Variants in INTS15 observed in about 807,000 individuals in gnomAD.
INTS15 encodes integrator complex subunit 15.
chr7:6,593,553 C>T, the INTS15 span, among the ~76,000 whole-genome samples: 1 of 151,574 alleles, frequency 6.6e-6, no homozygotes, highest in Admixed American at 6.6e-5. Flanking sequence ...CCAGGATGGT[C>T]TCGATCTCCT....
At chr7:6,607,190 C>G in the INTS15 span, among the ~76,000 whole-genome samples, 5 of 152,126 alleles carry the variant, frequency 3.3e-5, no homozygotes, top group Non-Finnish European at 5.9e-5. The surrounding 1 kb of genome is among the most constrained non-coding windows in gnomAD (Gnocchi z 6.0). Context: ...TTTCAGGAGT[C>G]TGGGAAGGGA....
At chr7:6,608,087 C>A in the INTS15 span, 1 of 1,570,326 alleles carries the variant, frequency 6.4e-7, no homozygotes, top group Non-Finnish European at 8.6e-7. Flanking sequence ...CCCCGCCGCC[C>A]ACCCCGCCCT....
chr7:6,596,161 C>T, the INTS15 span, among the ~76,000 whole-genome samples: 847 of 151,722 alleles, frequency 5.6e-3, 2 homozygotes, highest in Middle Eastern at 0.02. Flanking sequence ...AAACAATTCT[C>T]GTGCCTCAGC....
chr7:6,608,460 G>A, the INTS15 span: 1 of 1,272,478 alleles, frequency 7.9e-7, no homozygotes, highest in Middle Eastern at 3.1e-4. Context: ...CCTGTGTGGC[G>A]AGGAGTGTGA....
At chr7:6,607,955 C>T in the INTS15 span, 74 of 1,598,976 alleles carry the variant, frequency 4.6e-5, no homozygotes, top group Non-Finnish European at 5.7e-5. This position sits in a 1 kb window ranked among gnomAD's most constrained non-coding sequence, Gnocchi z 6.0. Flanking sequence ...TGCTTGTGTT[C>T]GCAGCCTCCT....
the INTS15 span, among the ~76,000 whole-genome samples, chr7:6,604,364 G>A: frequency 1.3e-5 from 2 of 152,208 alleles, no homozygotes; most frequent in Non-Finnish European, 2.9e-5. Context: ...TCAGGAGGAT[G>A]GAACATTATG....
the INTS15 span, among the ~76,000 whole-genome samples, chr7:6,591,154 G>C: frequency 2.4e-4 from 36 of 152,010 alleles, 1 homozygote; most frequent in African/African-American, 8.4e-4. Flanking sequence ...TTTTTTCTAA[G>C]ATCAACAGCA....
At chr7:6,605,169 A>C in the INTS15 span, among the ~76,000 whole-genome samples, 1 of 152,002 alleles carries the variant, frequency 6.6e-6, no homozygotes, top group Non-Finnish European at 1.5e-5. Context: ...TTGTATTTTT[A>C]GTAGAGACAG....
the INTS15 span, chr7:6,608,076 A>ACCCCCCCCGCCCCCCCC: frequency 8.7e-7 from 1 of 1,143,486 alleles, no homozygotes; most frequent in Non-Finnish European, 1.2e-6. Context: ...GTCCCGGCCC[A>ACCCCCCCCGCCCCCCCC]CCCCGCCGCC....
At chr7:6,603,043 A>C in the INTS15 span, among the ~76,000 whole-genome samples, 1 of 152,088 alleles carries the variant, frequency 6.6e-6, no homozygotes, top group Non-Finnish European at 1.5e-5. Flanking sequence ...TGAGGTCAGG[A>C]GTTCGAGACC....
the INTS15 span, among the ~76,000 whole-genome samples, chr7:6,604,443 A>G: frequency 0.036 from 5,508 of 152,258 alleles, 112 homozygotes; most frequent in Admixed American, 0.054. Context: ...ACCCCTGTGC[A>G]CATGGACAGG....
chr7:6,593,832 A>G, the INTS15 span, among the ~76,000 whole-genome samples: 1 of 150,118 alleles, frequency 6.7e-6, no homozygotes, highest in Non-Finnish European at 1.5e-5. Flanking sequence ...TCTATTTTTT[A>G]TAGAGATGGG....
At chr7:6,606,269 C>A in the INTS15 span, among the ~76,000 whole-genome samples, 1 of 152,186 alleles carries the variant, frequency 6.6e-6, no homozygotes, top group Non-Finnish European at 1.5e-5. Context: ...CTCCACATAC[C>A]CTCTGTTTAC....
At chr7:6,598,596 C>G in the INTS15 span, among the ~76,000 whole-genome samples, 1 of 152,070 alleles carries the variant, frequency 6.6e-6, no homozygotes, top group Non-Finnish European at 1.5e-5. Flanking sequence ...ATGGTGGGCA[C>G]AGCCCCAGAG....
chr7:6,597,915 A>G, the INTS15 span, among the ~76,000 whole-genome samples: 2 of 152,300 alleles, frequency 1.3e-5, no homozygotes, highest in East Asian at 1.9e-4. Context: ...AGATACCCAC[A>G]TAATTATATC....
At chr7:6,591,706 C>A in the INTS15 span, 8 of 1,614,054 alleles carry the variant, frequency 5.0e-6, no homozygotes, top group East Asian at 8.9e-5. Flanking sequence ...TTTCCAGGAG[C>A]AAACCAAGGA....
chr7:6,606,260 T>G, the INTS15 span, among the ~76,000 whole-genome samples: 1 of 152,196 alleles, frequency 6.6e-6, no homozygotes, highest in African/African-American at 2.4e-5. Flanking sequence ...GCACCAGCCC[T>G]CCACATACCC....
chr7:6,608,214 G>T, the INTS15 span: 49 of 1,531,620 alleles, frequency 3.2e-5, no homozygotes, highest in Non-Finnish European at 4.0e-5. Flanking sequence ...TTTCGAGATG[G>T]AAGGGGTGGC....
At chr7:6,602,147 A>T in the INTS15 span, 333 of 1,612,786 alleles carry the variant, frequency 2.1e-4, 4 homozygotes, top group South Asian at 3.5e-3. Flanking sequence ...ATAAGTAAGT[A>T]TCCTCAGGAC....
Sources: gnomAD v4.1 joint callset for allele counts (sites outside exome capture counted in the v4.1 genomes callset) on GRCh38, gnomAD v4.1.1 for gene constraint, Gnocchi (gnomAD v3.1) non-coding constraint, MANE v1.5 for transcripts, NCBI Gene and HGNC (gene_info 2026-07-23, HGNC 2026-07-21) for gene names.